The following ELAVL2 variants were observed in gnomAD, a reference collection of about 807,000 sequenced individuals.
ELAVL2 encodes ELAV-like protein 2.
ELAVL2 carries 4 observed loss-of-function variants against 34.6 expected under a neutral mutation model. The ratio of observed to expected loss-of-function variants is 0.12; its 90% confidence interval spans 0.06 to 0.26. ELAVL2 has a LOEUF of 0.26. ELAVL2 is among the 10% of genes least tolerant of loss of function. The probability of loss-of-function intolerance (pLI) is 1.00; values close to 1 mark genes in which losing one functional copy is unlikely to be tolerated. For synonymous variants in ELAVL2, 193 were observed against 154.8 expected (o/e 1.25, Z -1.83); for missense variants, 432 against 442.8 (o/e 0.98, Z 0.22).
At chr9:23,726,034 A>C (rs2045056940) in intron 3 of ELAVL2, among the ~76,000 whole-genome samples, 2 of 152,228 alleles carry the variant, frequency 1.3e-5, no homozygotes, top group South Asian at 4.1e-4. Flanking sequence ...TCAGAAATGT[A>C]GTTCTATATT....
intron 1 of ELAVL2, among the ~76,000 whole-genome samples, chr9:23,763,339 C>G (rs554892796): frequency 2.0e-5 from 3 of 152,156 alleles, no homozygotes; most frequent in African/African-American, 7.2e-5. Flanking sequence ...CAAACCACAG[C>G]CCCAAATTTT....
rs1004170227 is a variant in ELAVL2 at position 23,691,915 on chromosome 9, C to A, written c.*642G>T. 6.6e-6 allele frequency: 1 copy of A among 152,336 alleles called. No individual in the cohort carries two copies. The highest frequency in any genetic ancestry group is 1.5e-5 in the Non-Finnish European group (1 of 67,984). The allele number at this position is 152,336 out of a possible 1,614,324, so 9.4% of individuals were successfully genotyped here. On this transcript the variant is annotated 3_prime_UTR_variant, in exon 7 of 7. Coordinates refer to ENST00000397312, the MANE Select transcript of ELAVL2 (RefSeq NM_004432.5). ...TATAAAAATAGATGCTTTTTTTAAA[C>A]CCACATCAAAGAGGCTCTTATCTCT...
intron 1 of ELAVL2, among the ~76,000 whole-genome samples, chr9:23,788,580 T>A (rs1465103388): frequency 6.6e-6 from 1 of 152,234 alleles, no homozygotes; most frequent in African/African-American, 2.4e-5. Context: ...TATGTATATG[T>A]GATCTCTCAG....
intron 3 of ELAVL2, among the ~76,000 whole-genome samples, chr9:23,722,990 A>G (rs1023381452): frequency 6.6e-6 from 1 of 152,324 alleles, no homozygotes; most frequent in South Asian, 2.1e-4. Flanking sequence ...TAAATGAAAG[A>G]AAAGCCCTAC....
intron 1 of ELAVL2, among the ~76,000 whole-genome samples, chr9:23,823,532 G>C (rs1414041919): frequency 6.6e-6 from 1 of 152,230 alleles, no homozygotes; most frequent in Non-Finnish European, 1.5e-5. Flanking sequence ...CGGGGAAGAA[G>C]TGCCTGCTGT....
intron 1 of ELAVL2, among the ~76,000 whole-genome samples, chr9:23,785,277 T>C (rs2059547528): frequency 6.6e-6 from 1 of 152,182 alleles, no homozygotes; most frequent in Non-Finnish European, 1.5e-5. Flanking sequence ...ACAAAGTGTT[T>C]ATCAAGGAAG....
chr9:23,764,856 C>T (rs1001336907), intron 1 of ELAVL2, among the ~76,000 whole-genome samples: 1 of 152,002 alleles, frequency 6.6e-6, no homozygotes, highest in East Asian at 1.9e-4. Context: ...TTGCAATGTG[C>T]TTTAAGTCCT....
Position 23,744,341 on chromosome 9 carries a change from T to A in ELAVL2, c.230-13216A>T, listed in dbSNP as rs148083787. Among the ~76,000 whole-genome samples the A allele has an allele frequency of 7.4e-3, 1,133 of 152,342 alleles. 13 individuals carry two copies. Among genetic ancestry groups the A allele is most frequent in the African/African-American group, 0.025 (1,051 of 41,572 alleles). ...ACACCACTCGAAGAAATGAATGTTT[T>A]ACTAAATAACTAGTTTTTCAGCTCA... On this transcript the variant is annotated intron_variant, in intron 2 of 6. Transcript: ENST00000397312.
chr9:23,841,432 TAGA>T, the ELAVL2 span, among the ~76,000 whole-genome samples: 2 of 151,888 alleles, frequency 1.3e-5, no homozygotes, highest in Admixed American at 6.6e-5. Flanking sequence ...GTTTTTACTT[TAGA>T]GTTTCTAGAG....
At chr9:23,786,802 A>AAAAAAAAAAAAAAAAAAAAAAAAAAAAAC in intron 1 of ELAVL2, among the ~76,000 whole-genome samples, 1 of 127,340 alleles carries the variant, frequency 7.9e-6, no homozygotes, top group Non-Finnish European at 1.6e-5. Context: ...AAAAAAAAAA[A>AAAAAAAAAAAAAAAAAAAAAAAAAAAAAC]AGAGAGAGAG....
At chr9:23,779,408 A>G in intron 1 of ELAVL2, 3 of 985,400 alleles carry the variant, frequency 3.0e-6, no homozygotes, top group Non-Finnish European at 3.6e-6. Context: ...TATTTATAGC[A>G]CAGCAATGGA....
At chr9:23,739,188 G>C (rs1180485337) in intron 2 of ELAVL2, among the ~76,000 whole-genome samples, 1 of 152,126 alleles carries the variant, frequency 6.6e-6, no homozygotes, top group Non-Finnish European at 1.5e-5. Flanking sequence ...CCCACAGGAT[G>C]AGACTCTACC....
intron 1 of ELAVL2, among the ~76,000 whole-genome samples, chr9:23,796,037 C>T (rs1189535149): frequency 6.6e-6 from 1 of 152,136 alleles, no homozygotes; most frequent in East Asian, 1.9e-4. Flanking sequence ...CATTTTGGTC[C>T]TTGGACCTTC....
chr9:23,695,207 T>C (rs34100481), intron 5 of ELAVL2, among the ~76,000 whole-genome samples: 10,068 of 152,196 alleles, frequency 0.066, 382 homozygotes, highest in Middle Eastern at 0.095. Context: ...AACAATACAA[T>C]TTTATCAAAT....
At chr9:23,822,644 T>C (rs1454525543) in intron 1 of ELAVL2, among the ~76,000 whole-genome samples, 1 of 152,236 alleles carries the variant, frequency 6.6e-6, no homozygotes, top group East Asian at 1.9e-4. Context: ...AGCACGTTTT[T>C]ACACCTGCTC....
chr9:23,794,155 G>T (rs1359020229), intron 1 of ELAVL2, among the ~76,000 whole-genome samples: 1 of 152,180 alleles, frequency 6.6e-6, no homozygotes, highest in Non-Finnish European at 1.5e-5. Context: ...CATACCAACA[G>T]CATTCAAGCT....
chr9:23,730,841 T>A (rs962586980), intron 3 of ELAVL2, among the ~76,000 whole-genome samples, 181 bp downstream of exon 3: 2 of 152,104 alleles, frequency 1.3e-5, no homozygotes, highest in African/African-American at 4.8e-5. Context: ...CATGAATGAT[T>A]ATACATAGCA....
At chr9:23,770,869 G>A (rs1353671738) in intron 1 of ELAVL2, among the ~76,000 whole-genome samples, 1 of 152,212 alleles carries the variant, frequency 6.6e-6, no homozygotes, top group Non-Finnish European at 1.5e-5. Flanking sequence ...ATATCTAGAA[G>A]AAAAGATTCT....
intron 1 of ELAVL2, among the ~76,000 whole-genome samples, chr9:23,814,102 A>G (rs1480425619): frequency 2.0e-5 from 3 of 152,120 alleles, no homozygotes; most frequent in Non-Finnish European, 4.4e-5. Context: ...TCAACAACTC[A>G]CAACTATTTA....
Sources: allele counts gnomAD v4.1 joint callset (sites outside exome capture counted in the v4.1 genomes callset), GRCh38; gene constraint gnomAD v4.1.1; transcripts MANE v1.5; gene names NCBI Gene and HGNC (gene_info 2026-07-23, HGNC 2026-07-21).